Variants in RALGAPA1 observed in about 807,000 individuals in gnomAD.
RALGAPA1 encodes ral GTPase-activating protein subunit alpha-1.
Under a neutral mutation model 269.6 loss-of-function variants are expected in RALGAPA1, and 52 were observed. The ratio of observed to expected loss-of-function variants is 0.19; its 90% confidence interval spans 0.15 to 0.24. RALGAPA1 has a LOEUF of 0.24. RALGAPA1 is among the 10% of genes least tolerant of loss of function. RALGAPA1 has a pLI of 1.00. For missense variants in RALGAPA1, 1,917 were observed against 3,013.9 expected (o/e 0.64, Z 8.52); for synonymous variants, 817 against 1,008.3 (o/e 0.81, Z 3.60).
At chr14:35,686,762 C>A in intron 18 of RALGAPA1, 96 bp from the exon 19 acceptor site, 1 of 551,488 alleles carries the variant, frequency 1.8e-6, no homozygotes, top group Non-Finnish European at 3.0e-6. Flanking sequence ...GTACCTTTGC[C>A]AATTATTTGC....
intron 18 of RALGAPA1, 126 bp downstream of exon 18, chr14:35,688,333 A>G (rs1360875720): frequency 9.3e-7 from 1 of 1,073,204 alleles, no homozygotes; most frequent in Non-Finnish European, 1.3e-6. Context: ...GCGCATGCAT[A>G]ACCAAACAGA....
In RALGAPA1 at chr14:35,655,692, A is replaced by G. The variant is rs893167436; in HGVS notation, c.5496+115T>C. Reference sequence around the variant, plus strand: ...GAGTCAGGATCAAGAAAATAATAGAATAATAAAGTAATGAAAACATTTACT... The same window carrying G: ...GAGTCAGGATCAAGAAAATAATAGAGTAATAAAGTAATGAAAACATTTACT... On this transcript the variant is annotated intron_variant, in intron 29 of 41. Transcript: ENST00000680220. The G allele has an allele frequency of 8.0e-6, 11 of 1,377,432 alleles. No individual in the cohort carries two copies. In the African/African-American group the frequency reaches 1.0e-4, roughly 13 times the overall value. 85.3% of individuals were successfully genotyped at this position (1,377,432 alleles called of 1,614,324 possible). A position where few individuals can be genotyped will look rare whatever the true frequency, so the allele number is the denominator to read the frequency against.
chr14:35,550,695 A>G (rs1376370632), intron 39 of RALGAPA1, among the ~76,000 whole-genome samples: 3 of 152,198 alleles, frequency 2.0e-5, no homozygotes, highest in Admixed American at 6.5e-5. Context: ...TGGCTTTCAT[A>G]TTACAATTTA....
At chr14:35,735,344 T>C (rs2070880714) in intron 12 of RALGAPA1, among the ~76,000 whole-genome samples, 2 of 152,156 alleles carry the variant, frequency 1.3e-5, no homozygotes, top group Non-Finnish European at 2.9e-5. Flanking sequence ...ATAAAGAAAC[T>C]GTGGTACATA....
At chr14:35,644,786 G>A (rs1392264649) in intron 31 of RALGAPA1, among the ~76,000 whole-genome samples, 1 of 152,078 alleles carries the variant, frequency 6.6e-6, no homozygotes, top group Non-Finnish European at 1.5e-5. Flanking sequence ...AGGTGAGGGA[G>A]AGCATCAGGA....
At chr14:35,691,103 T>C (rs2066445325) in intron 17 of RALGAPA1, among the ~76,000 whole-genome samples, 1 of 150,172 alleles carries the variant, frequency 6.7e-6, no homozygotes, top group African/African-American at 2.4e-5. Context: ...ATTATTATTA[T>C]TATAGATGGA....
chr14:35,783,307 AG>A (rs768323397), intron 1 of RALGAPA1, among the ~76,000 whole-genome samples: 12 of 151,876 alleles, frequency 7.9e-5, no homozygotes, highest in East Asian at 5.8e-4. Context: ...GAGGAAAAGG[AG>A]GGAAAAAAAA....
chr14:35,668,679 G>C (rs746808815), intron 26 of RALGAPA1, among the ~76,000 whole-genome samples: 6 of 152,060 alleles, frequency 3.9e-5, no homozygotes, highest in Non-Finnish European at 8.8e-5. Flanking sequence ...CTAGGTGTGT[G>C]CCTATAGTCT....
At chr14:35,633,218 T>C (rs759466925) in intron 33 of RALGAPA1, among the ~76,000 whole-genome samples, 22 of 152,184 alleles carry the variant, frequency 1.4e-4, no homozygotes, top group Non-Finnish European at 2.9e-4. Flanking sequence ...AAAACTGCCA[T>C]TTTATACCTT....
intron 16 of RALGAPA1, among the ~76,000 whole-genome samples, chr14:35,708,934 T>C (rs1295262531): frequency 6.6e-6 from 1 of 152,096 alleles, no homozygotes; most frequent in Non-Finnish European, 1.5e-5. Context: ...AATGAGATCC[T>C]GACATGAGGT....
intron 17 of RALGAPA1, among the ~76,000 whole-genome samples, chr14:35,694,635 T>G (rs1244106969): frequency 6.6e-6 from 1 of 152,138 alleles, no homozygotes; most frequent in African/African-American, 2.4e-5. Flanking sequence ...TCTTTTATTC[T>G]AATATTGTTT....
chr14:35,551,699 T>A (rs952903529), intron 39 of RALGAPA1, among the ~76,000 whole-genome samples: 3 of 152,138 alleles, frequency 2.0e-5, no homozygotes, highest in African/African-American at 4.8e-5. Context: ...AGAAAATGAT[T>A]ATCTAGCTAA....
intron 31 of RALGAPA1, among the ~76,000 whole-genome samples, chr14:35,644,541 A>G (rs1254270753): frequency 6.6e-6 from 1 of 152,232 alleles, no homozygotes; most frequent in African/African-American, 2.4e-5. Context: ...TTCAAACAAT[A>G]ATCTCTCTTG....
At chr14:35,775,816 A>G (rs192892274) in intron 1 of RALGAPA1, 71 bp from the exon 2 acceptor site, 1 of 1,367,294 alleles carries the variant, frequency 7.3e-7, no homozygotes, top group African/African-American at 1.5e-5. Flanking sequence ...ATTCAGCGAC[A>G]AGTTTCCTTC....
chr14:35,783,674 T>A (rs1311387681), intron 1 of RALGAPA1, among the ~76,000 whole-genome samples: 1 of 152,182 alleles, frequency 6.6e-6, no homozygotes, highest in Admixed American at 6.5e-5. Flanking sequence ...ATATACCTGA[T>A]TTTAAAACAT....
Position 35,744,239 on chromosome 14 carries a change from C to T in RALGAPA1, c.1252-1674G>A, listed in dbSNP as rs542324302. ...ATACAAAATTAGCCGGGTGTGGTGG[C>T]GCATGCCTGTAATACCAGCTACTTG... is the stretch of plus-strand genomic sequence containing the variant. On this transcript the variant is annotated intron_variant, in intron 10 of 41. Coordinates refer to ENST00000680220, the MANE Select transcript of RALGAPA1 (RefSeq NM_001346249.2). Among the ~76,000 whole-genome samples the T allele has an allele frequency of 7.9e-5, 12 of 151,988 alleles. No individual in the cohort carries two copies. In the South Asian group the frequency reaches 1.5e-3, roughly 18 times the overall value.
intron 36 of RALGAPA1, among the ~76,000 whole-genome samples, chr14:35,598,414 T>TAA: frequency 6.7e-6 from 1 of 148,768 alleles, no homozygotes; most frequent in East Asian, 2.0e-4. Flanking sequence ...TATATATATA[T>TAA]TTTATTTATT....
At chr14:35,732,795 A>G (rs1050202186) in intron 12 of RALGAPA1, among the ~76,000 whole-genome samples, 1 of 152,240 alleles carries the variant, frequency 6.6e-6, no homozygotes, top group African/African-American at 2.4e-5. Context: ...CAGCAACACA[A>G]TAATAGTGGG....
chr14:35,667,382 G>C (rs2064030893), intron 26 of RALGAPA1, among the ~76,000 whole-genome samples: 1 of 152,140 alleles, frequency 6.6e-6, no homozygotes, highest in Non-Finnish European at 1.5e-5. Flanking sequence ...TAGCGACAGA[G>C]CGAGACTCCA....
Sources: gnomAD v4.1 joint callset for allele counts (sites outside exome capture counted in the v4.1 genomes callset) on GRCh38, gnomAD v4.1.1 for gene constraint, MANE v1.5 for transcripts, NCBI Gene and HGNC (gene_info 2026-07-23, HGNC 2026-07-21) for gene names.